Variants in PAX2 observed in about 807,000 individuals in gnomAD.
The protein encoded by PAX2 is paired box protein Pax-2.
In PAX2, 9 loss-of-function variants were observed where a neutral mutation model predicts 41.7. That is an observed-to-expected ratio of 0.22 (90% CI 0.13 to 0.38). PAX2 has a LOEUF of 0.38. PAX2 is among the 10% of genes least tolerant of loss of function. PAX2 has a pLI of 1.00. For synonymous variants in PAX2, 221 were observed against 212.7 expected, an observed-to-expected ratio of 1.04 and a Z score of -0.34; for missense variants, 418 against 531.6, an observed-to-expected ratio of 0.79 and a Z score of 2.10.
At chr10:100,754,943 A>C (rs2133845461) in intron 3 of PAX2, among the ~76,000 whole-genome samples, 1 of 152,232 alleles carries the variant, frequency 6.6e-6, no homozygotes, top group South Asian at 2.1e-4. Flanking sequence ...TCAGAAAAAG[A>C]CTTCTATCCA....
chr10:100,746,128 G>A lies in PAX2; in HGVS notation c.-133G>A. 1.3e-6 allele frequency: 2 copies of A among 1,517,492 alleles called. No individual in the cohort carries two copies. Among genetic ancestry groups the A allele is most frequent in the Non-Finnish European group, 1.8e-6 (2 of 1,131,750 alleles). 94.0% of individuals were successfully genotyped at this position (1,517,492 alleles called of 1,614,324 possible). On this transcript the variant is annotated 5_prime_UTR_variant, in exon 1 of 10. Transcript: ENST00000355243. ...AGTGCTGCGCCCCCCGCCCCCGCGCGCCCCGCAGCAGCCGGGCGTTCACTC... is the reference window on the plus strand; with the variant it reads ...AGTGCTGCGCCCCCCGCCCCCGCGCACCCCGCAGCAGCCGGGCGTTCACTC...
At chr10:100,742,843 CTTTTTTTTTTTTTTTTTTTTTTTTTTTTT>C (rs61627823), upstream of PAX2, among the ~76,000 whole-genome samples, 1 of 41,206 alleles carries the variant, frequency 2.4e-5, no homozygotes. Context: ...TTCTTTCTTC[CTTTTTTTTTTTTTTTTTTTTTTTTTTTTT>C]TTTTTTTTTT....
Position 100,829,522 on chromosome 10 carries a change from G to A in PAX2, c.*1903G>A. 4.8e-6 allele frequency: 1 copy of A among 208,728 alleles called. No homozygotes were observed. The highest frequency in any genetic ancestry group is 9.8e-6 in the Non-Finnish European group (1 of 101,796). The allele number at this position is 208,728 out of a possible 1,614,324, so 12.9% of individuals were successfully genotyped here. A position where few individuals can be genotyped will look rare whatever the true frequency, so the allele number is the denominator to read the frequency against. On this transcript the variant is annotated 3_prime_UTR_variant, in exon 10 of 10. Coordinates refer to ENST00000355243, the MANE Select transcript of PAX2 (RefSeq NM_000278.5). The stretch of plus-strand genomic sequence containing the variant: ...CTGCATGTCTCCTCACCCGTGGATC[G>A]TGACGACTCGAAATAACAGAAACAA...
intron 3 of PAX2, among the ~76,000 whole-genome samples, chr10:100,774,419 C>A (rs1846314004): frequency 1.3e-5 from 2 of 152,068 alleles, no homozygotes; most frequent in Non-Finnish European, 2.9e-5. Context: ...GGTCCAGCCC[C>A]CAGTCTGTCT....
chr10:100,788,874 C>A (rs1454121286), intron 5 of PAX2, among the ~76,000 whole-genome samples: 1 of 152,056 alleles, frequency 6.6e-6, no homozygotes, highest in Non-Finnish European at 1.5e-5. Flanking sequence ...ACACACCCCC[C>A]CCGACACACA....
In PAX2 at chr10:100,736,961, A is replaced by C. The variant is rs908199312; in HGVS notation, c.25+1228A>C. Among the ~76,000 whole-genome samples the C allele has an allele frequency of 3.3e-5, 5 of 152,298 alleles. No individual in the cohort carries two copies. The East Asian group carries it at 9.7e-4, about 29-fold the overall frequency. On this transcript the variant is annotated intron_variant, in intron 1 of 9. Transcript: ENST00000679374. ...CCTCGACCGTATAAATATTCAGCCCAAGGACAGACCTAACGTCTGGGACTT... is the reference window on the plus strand; with the variant it reads ...CCTCGACCGTATAAATATTCAGCCCCAGGACAGACCTAACGTCTGGGACTT...
At chr10:100,809,027 T>C (rs1390816811) in intron 6 of PAX2, 83 bp from the exon 7 acceptor site, 33 of 1,358,646 alleles carry the variant, frequency 2.4e-5, no homozygotes, top group Middle Eastern at 1.8e-4. Flanking sequence ...CGGGCTCCCC[T>C]GTTCCTCCTC....
intron 1 of PAX2, chr10:100,747,610 A>G: frequency 2.0e-6 from 2 of 984,912 alleles, no homozygotes; most frequent in Non-Finnish European, 2.4e-6. Context: ...AGGACAAGAG[A>G]GCCGAGGAGG....
chr10:100,821,879 C>T (rs11815022), intron 7 of PAX2, among the ~76,000 whole-genome samples: 11,189 of 152,300 alleles, frequency 0.073, 653 homozygotes, highest in African/African-American at 0.15. Flanking sequence ...AATTAGGTTT[C>T]TATATCTGTT....
upstream of PAX2, among the ~76,000 whole-genome samples, chr10:100,742,327 C>T (rs1844984839): frequency 7.0e-6 from 1 of 141,996 alleles, no homozygotes; most frequent in Non-Finnish European, 1.5e-5. Flanking sequence ...TGGCTTGGGG[C>T]GCCGGTGCGT....
intron 3 of PAX2, among the ~76,000 whole-genome samples, chr10:100,764,438 G>A (rs907051195): frequency 3.9e-5 from 6 of 152,182 alleles, no homozygotes; most frequent in African/African-American, 1.2e-4. Context: ...CACCGTGGCC[G>A]GCCTGAAATA....
chr10:100,782,666 A>C (rs1846678285), intron 5 of PAX2, among the ~76,000 whole-genome samples: 1 of 152,288 alleles, frequency 6.6e-6, no homozygotes, highest in East Asian at 1.9e-4. Flanking sequence ...ACAGGGAAAC[A>C]GCTTGTCTGG....
Position 100,827,488 on chromosome 10 carries a change from T to G in PAX2, c.1109-55T>G, listed in dbSNP as rs1413204586. 1.3e-6 allele frequency: 2 copies of G among 1,565,074 alleles called. No individual in the cohort carries two copies. Among genetic ancestry groups the G allele is most frequent in the East Asian group, 4.5e-5 (2 of 44,582 alleles). ...TTTTCTGTGCTTTTCTTTCCTTTTT[T>G]GTTCTCCTGTTTGTCCTCTCACCCA... On this transcript the variant is annotated intron_variant, in intron 9 of 9. Transcript: ENST00000355243. The surrounding 1 kb of genome is among the most constrained non-coding windows in gnomAD (Gnocchi z 8.5).
At chr10:100,779,452 T>C (rs776956884) in intron 3 of PAX2, 46 bp from the exon 4 acceptor site, 2 of 1,480,364 alleles carry the variant, frequency 1.4e-6, no homozygotes, top group African/African-American at 2.8e-5. Context: ...TTGGCCGGGA[T>C]AGGAGTGGGC....
rs774406860 is a variant in PAX2 at position 100,809,127 on chromosome 10, C to G, written c.810C>G (p.Leu270=). 1 of 1,613,240 alleles carries G rather than the reference C, an allele frequency of 6.2e-7. No individual in the cohort carries two copies. The highest frequency in any genetic ancestry group is 8.5e-7 in the Non-Finnish European group (1 of 1,179,268). The change falls in exon 7 of 10, where the codon CTC becomes CTG. Residue 270 remains leucine (L), a synonymous_variant. Transcript: ENST00000355243. ...IKSEQGNEYS[L]PALTPGLDEV... ...CCTCCCAGGGGAACGAGTACTCCCTCCCAGCCCTGACCCCTGGGCTTGATG... is the reference window on the plus strand; with the variant it reads ...CCTCCCAGGGGAACGAGTACTCCCTGCCAGCCCTGACCCCTGGGCTTGATG...
At chr10:100,752,581 G>A (rs1046052976) in intron 3 of PAX2, among the ~76,000 whole-genome samples, 8 of 152,252 alleles carry the variant, frequency 5.3e-5, no homozygotes, top group African/African-American at 1.9e-4. Flanking sequence ...GCTGTGTGCA[G>A]TGTTGCTGGG....
rs11397247 is a variant in PAX2, at chr10:100,748,406, A to AC, written c.44-1338dup. 30,332 of 984,638 alleles carry AC rather than the reference A, an allele frequency of 0.031. 3,101 individuals carry two copies. The African/African-American group carries it at 0.31, about 10-fold the overall frequency. The allele number at this position is 984,638 out of a possible 1,614,324, so 61.0% of individuals were successfully genotyped here. A position where few individuals can be genotyped will look rare whatever the true frequency, so the allele number is the denominator to read the frequency against. On this transcript the variant is annotated intron_variant, in intron 1 of 9. Coordinates refer to ENST00000355243, the MANE Select transcript of PAX2 (RefSeq NM_000278.5). The surrounding 1 kb of genome is among the most constrained non-coding windows in gnomAD (Gnocchi z 5.0). ...ATCAGAGGTCTTTCCCCAGGGTTTC[A>AC]CCGAGCTTGCTCTAGGTACCCCCCG...
At chr10:100,779,433 G>A in intron 3 of PAX2, 65 bp from the exon 4 acceptor site, 1 of 1,350,066 alleles carries the variant, frequency 7.4e-7, no homozygotes, top group South Asian at 1.2e-5. Flanking sequence ...TTGCAGGGCT[G>A]GGCTGGAATT....
chr10:100,778,395 T>C (rs1347162138), intron 3 of PAX2, among the ~76,000 whole-genome samples: 3 of 152,212 alleles, frequency 2.0e-5, no homozygotes. Context: ...CTGAGCTTTT[T>C]TGGGGATTAA....
Sources: gnomAD v4.1 joint callset for allele counts (sites outside exome capture counted in the v4.1 genomes callset) on GRCh38, gnomAD v4.1.1 for gene constraint, Gnocchi (gnomAD v3.1) non-coding constraint, MANE v1.5 for transcripts, NCBI Gene and HGNC (gene_info 2026-07-23, HGNC 2026-07-21) for gene names.